Variants in TMEM132E observed in about 807,000 individuals in gnomAD.
TMEM132E encodes the protein transmembrane protein 132E.
TMEM132E carries 49 observed loss-of-function variants against 78.5 expected under a neutral mutation model. The ratio of observed to expected loss-of-function variants is 0.62; its 90% CI spans 0.50 to 0.79. The LOEUF (loss-of-function observed/expected upper bound fraction) is 0.79. Among genes scored for constraint, TMEM132E ranks in the 30% least tolerant of loss-of-function variants. The pLI is 0.00. For synonymous variants in TMEM132E, 715 were observed against 670.6 expected, an observed-to-expected ratio of 1.07 and a Z score of -1.02; for missense variants, 1,403 against 1,470.9, an observed-to-expected ratio of 0.95 and a Z score of 0.75.
chr17:34,622,985 A>G (rs1907006961), intron 1 of TMEM132E, among the ~76,000 whole-genome samples: 1 of 152,148 alleles, frequency 6.6e-6, no homozygotes, highest in Admixed American at 6.5e-5. Flanking sequence ...ACAAAGATTG[A>G]TGAGAGAGAG....
At position 34,638,072 on chromosome 17, in the gene TMEM132E, C is replaced by T; in HGVS notation, c.3065C>T (p.Pro1022Leu). The part of the protein sequence containing the change: ...RVKFTTFTTL[P>L]SEELAYDSVP... Reference sequence around the variant, plus strand: ...AAGTTCACCACCTTCACCACGCTGCCGTCAGAGGAGCTGGCCTATGACTCG... The same window carrying T: ...AAGTTCACCACCTTCACCACGCTGCTGTCAGAGGAGCTGGCCTATGACTCG... Residue 1022 changes from proline (P) to leucine (L), a missense_variant, in exon 9 of 9, where the codon CCG (proline) becomes CTG (leucine). By Grantham distance (98) the Pro-to-Leu change is moderately conservative. Transcript: ENST00000631683. 11 of 1,585,032 alleles carry T rather than the reference C, an allele frequency of 6.9e-6. No individual in the cohort carries two copies. Among genetic ancestry groups the T allele is most frequent in the African/African-American group, 2.7e-5 (2 of 74,616 alleles).
At chr17:34,629,946 GC>G in intron 4 of TMEM132E, 61 bp from the exon 5 acceptor site, 1 of 1,520,924 alleles carries the variant, frequency 6.6e-7, no homozygotes, top group Middle Eastern at 2.1e-4. Context: ...TGGGGCCTTG[GC>G]TAGTGTGTCC....
In TMEM132E at chr17:34,636,069, G is replaced by A; in HGVS notation, c.2040G>A (p.Lys680=). ...CGCTGCTGACGGTGACTGAGGAGAA[G>A]GTCAGCATCACACAGCTTCAGGCCC... ...GETLLTVTEE[K]VSITQLQAQV... The change falls in exon 8 of 9, where the codon AAG becomes AAA. Residue 680 remains lysine (K), a synonymous_variant. Coordinates refer to ENST00000631683, the MANE Select transcript of TMEM132E (RefSeq NM_001304438.2). 1 of 1,590,158 alleles carries A rather than the reference G, an allele frequency of 6.3e-7. No individual in the cohort carries two copies. Among genetic ancestry groups the A allele is most frequent in the Non-Finnish European group, 8.5e-7 (1 of 1,169,870 alleles).
At chr17:34,593,353 C>T (rs897177900) in intron 1 of TMEM132E, among the ~76,000 whole-genome samples, 1 of 152,118 alleles carries the variant, frequency 6.6e-6, no homozygotes, top group African/African-American at 2.4e-5. Flanking sequence ...CTTCAAAATC[C>T]CCTGTGCGTT....
intron 1 of TMEM132E, among the ~76,000 whole-genome samples, chr17:34,620,729 A>T (rs1188307426): frequency 6.6e-6 from 1 of 152,222 alleles, no homozygotes; most frequent in Non-Finnish European, 1.5e-5. Flanking sequence ...AGAGCAGAAC[A>T]GTGGCAGAGA....
At chr17:34,582,269 G>T (rs1905517600) in intron 1 of TMEM132E, among the ~76,000 whole-genome samples, 1 of 152,124 alleles carries the variant, frequency 6.6e-6, no homozygotes. Context: ...CGCCCTCGGT[G>T]TGCCGGGCTC....
At chr17:34,633,970 C>T (rs191345384) in intron 6 of TMEM132E, among the ~76,000 whole-genome samples, 2 of 152,330 alleles carry the variant, frequency 1.3e-5, no homozygotes, top group African/African-American at 4.8e-5. Flanking sequence ...CACTCTGTGC[C>T]TCCATCTCCG....
At chr17:34,615,712 G>T (rs549103770) in intron 1 of TMEM132E, among the ~76,000 whole-genome samples, 2 of 151,854 alleles carry the variant, frequency 1.3e-5, no homozygotes, top group Non-Finnish European at 2.9e-5. Flanking sequence ...GGCAAGTTGA[G>T]CCCCAGTCAG....
chr17:34,610,764 G>A (rs1286659656), intron 1 of TMEM132E, among the ~76,000 whole-genome samples: 1 of 152,228 alleles, frequency 6.6e-6, no homozygotes, highest in Non-Finnish European at 1.5e-5. Flanking sequence ...ATACTCAAGA[G>A]AATCATGCAA....
chr17:34,585,507 G>T (rs1905639571), intron 1 of TMEM132E, among the ~76,000 whole-genome samples: 1 of 152,170 alleles, frequency 6.6e-6, no homozygotes. Context: ...CACTGAAAGA[G>T]GAACCACCAA....
chr17:34,585,305 C>T (rs1037506793), intron 1 of TMEM132E, among the ~76,000 whole-genome samples: 1 of 152,200 alleles, frequency 6.6e-6, no homozygotes, highest in African/African-American at 2.4e-5. Context: ...TAGGCCCTTG[C>T]CGGGGGCCTG....
At position 34,635,024 on chromosome 17, in the gene TMEM132E, A is replaced by G; in HGVS notation, c.1914A>G (p.Arg638=). The change falls in exon 7 of 9, where the codon CGA becomes CGG. Residue 638 remains arginine (R), a synonymous_variant. Coordinates refer to ENST00000631683, the MANE Select transcript of TMEM132E (RefSeq NM_001304438.2). ...VSDFMRVGDP[R]VAHMVDSSTL... ...ACTTCATGCGGGTGGGCGATCCCCG[A>G]GTGGCACACATGGTGGACAGCAGCA... The G allele has an allele frequency of 2.5e-6, 4 of 1,614,084 alleles. No homozygotes were observed. The highest frequency in any genetic ancestry group is 3.4e-6 in the Non-Finnish European group (4 of 1,180,008).
At chr17:34,581,551 T>C (rs1009199386) in intron 1 of TMEM132E, among the ~76,000 whole-genome samples, 11 of 151,906 alleles carry the variant, frequency 7.2e-5, no homozygotes, top group Non-Finnish European at 1.6e-4. Context: ...GATCGCGTCT[T>C]TCCTCGCCCC....
intron 1 of TMEM132E, among the ~76,000 whole-genome samples, chr17:34,582,961 G>A (rs1039519893): frequency 9.2e-5 from 14 of 152,234 alleles, no homozygotes; most frequent in African/African-American, 3.1e-4. Flanking sequence ...CCTGAGCCTG[G>A]AATTAAAGAT....
intron 1 of TMEM132E, among the ~76,000 whole-genome samples, chr17:34,613,211 A>ACACACACACGCGCGCGCGCGCGCG: frequency 8.6e-6 from 1 of 115,856 alleles, no homozygotes; most frequent in Admixed American, 9.9e-5. Context: ...ACACACACAC[A>ACACACACACGCGCGCGCGCGCGCG]CGCGCGCGCG....
chr17:34,636,192 C>A lies in TMEM132E; in HGVS notation c.2163C>A (p.Leu721=). The change falls in exon 8 of 9, where the codon CTC becomes CTA. Residue 721 remains leucine (L), a synonymous_variant. Coordinates refer to ENST00000631683, the MANE Select transcript of TMEM132E (RefSeq NM_001304438.2). ...TTAAQQTLSF[L]KQEALLSLWL... is the part of the protein sequence containing the mutation. ...CTGCCCAACAGACCTTGAGCTTCCT[C>A]AAGCAGGTAACTGGCTCCTTGGCCC... The A allele has an allele frequency of 6.7e-7, 1 of 1,498,140 alleles. No individual in the cohort carries two copies. The highest frequency in any genetic ancestry group is 2.4e-5 in the Admixed American group (1 of 41,714). The allele number at this position is 1,498,140 out of a possible 1,614,324, so 92.8% of individuals were successfully genotyped here. A position where few individuals can be genotyped will look rare whatever the true frequency, so the allele number is the denominator to read the frequency against.
At position 34,632,760 on chromosome 17, in the gene TMEM132E, G is replaced by T; in HGVS notation, c.1539G>T (p.Met513Ile). Residue 513 changes from methionine to isoleucine, a missense_variant, in exon 6 of 9, where the codon ATG becomes ATT. Around this residue, in one of 3 missense-constraint regions of TMEM132E, gnomAD observed 888 missense variants for 952.8 expected, o/e 0.93. Transcript: ENST00000631683. ...FVSGKESRGS[M>I]NARVTFRYDV... ...GTGGAAAAGAGTCTCGAGGGTCCAT[G>T]AACGCCAGGGTCACCTTCCGCTACG... The T allele has an allele frequency of 6.2e-7, 1 of 1,614,188 alleles. No individual in the cohort carries two copies. Among genetic ancestry groups the T allele is most frequent in the South Asian group, 1.1e-5 (1 of 91,078 alleles).
In TMEM132E at chr17:34,626,901, C is replaced by G. The variant is rs760043119; in HGVS notation, c.842C>G (p.Pro281Arg). 2.0e-5 allele frequency: 33 copies of G among 1,613,106 alleles called. No homozygotes were observed. The highest frequency in any genetic ancestry group is 2.7e-5 in the African/African-American group (2 of 74,944). The change falls in exon 2 of 9, where the codon CCC (proline) becomes CGC (arginine). Residue 281 changes from proline to arginine, a missense_variant. Transcript: ENST00000631683. Reference protein sequence around the residue: ...IGSISLFRPPPRRTLQEHRLD... With the variant: ...IGSISLFRPPRRRTLQEHRLD... ...AGCATCAGCCTGTTCCGCCCGCCCC[C>G]CAGGAGGACCCTGCAGGAGCACAGG...
intron 1 of TMEM132E, among the ~76,000 whole-genome samples, chr17:34,599,641 T>C (rs999313915): frequency 1.3e-5 from 2 of 151,602 alleles, no homozygotes; most frequent in Non-Finnish European, 2.9e-5. Flanking sequence ...CATTGAAGAG[T>C]TTTTTATTTT....
Sources: gnomAD v4.1 joint callset for allele counts (sites outside exome capture counted in the v4.1 genomes callset) on GRCh38, gnomAD v4.1.1 for gene constraint, gnomAD v4.1.1 regional missense constraint, MANE v1.5 for transcripts, NCBI Gene and HGNC (gene_info 2026-07-23, HGNC 2026-07-21) for gene names.